Variants in SPMIP3 observed in about 807,000 individuals in gnomAD.
The protein encoded by SPMIP3 is protein SPMIP3.
chr1:244,357,204 G>A, the SPMIP3 span, among the ~76,000 whole-genome samples: 5 of 113,264 alleles, frequency 4.4e-5, no homozygotes, highest in African/African-American at 9.2e-5. Flanking sequence ...TGACAGGCAC[G>A]AGCCACTGCA....
the SPMIP3 span, chr1:244,375,484 A>T: frequency 8.8e-5 from 140 of 1,594,888 alleles, no homozygotes; most frequent in Non-Finnish European, 5.6e-5. Flanking sequence ...CACCTCCTCA[A>T]TCCCAATGTC....
chr1:244,375,938 A>G, the SPMIP3 span, among the ~76,000 whole-genome samples: 1 of 152,184 alleles, frequency 6.6e-6, no homozygotes, highest in Admixed American at 6.6e-5. Context: ...AAGTGCTGGG[A>G]TTACAGGCAT....
chr1:244,360,934 C>G, the SPMIP3 span, among the ~76,000 whole-genome samples: 1 of 147,742 alleles, frequency 6.8e-6, no homozygotes, highest in Non-Finnish European at 1.5e-5. Context: ...ATGAAGGGAA[C>G]TGGAGGACAT....
the SPMIP3 span, among the ~76,000 whole-genome samples, chr1:244,355,006 C>T: frequency 1.7e-3 from 265 of 152,280 alleles, no homozygotes; most frequent in African/African-American, 6.1e-3. Flanking sequence ...GGCGAAATCA[C>T]GTGTCTTTTG....
At chr1:244,371,493 T>G in the SPMIP3 span, among the ~76,000 whole-genome samples, 1 of 152,212 alleles carries the variant, frequency 6.6e-6, no homozygotes, top group Non-Finnish European at 1.5e-5. Flanking sequence ...CTTCCCATTT[T>G]CTTTTCACTC....
the SPMIP3 span, chr1:244,388,913 A>G: frequency 1.3e-6 from 2 of 1,494,246 alleles, no homozygotes; most frequent in Non-Finnish European, 1.9e-6. Flanking sequence ...AGGAGTGAGT[A>G]GTCTTTAAAT....
the SPMIP3 span, among the ~76,000 whole-genome samples, chr1:244,367,775 C>T: frequency 2.6e-5 from 4 of 152,094 alleles, no homozygotes; most frequent in Admixed American, 2.0e-4. Context: ...TTCCATTTTC[C>T]CCAGATAAGA....
chr1:244,378,765 T>TGC, the SPMIP3 span: 2 of 900,324 alleles, frequency 2.2e-6, no homozygotes, highest in African/African-American at 3.8e-5. Context: ...GGCATGGATA[T>TGC]GTGTGTGTGT....
chr1:244,364,814 G>C, the SPMIP3 span: 1 of 1,568,532 alleles, frequency 6.4e-7, no homozygotes, highest in Middle Eastern at 1.7e-4. Context: ...CAGGTGCCTG[G>C]GGAGTTAGAA....
At chr1:244,356,230 T>A in the SPMIP3 span, among the ~76,000 whole-genome samples, 1 of 151,946 alleles carries the variant, frequency 6.6e-6, no homozygotes, top group Non-Finnish European at 1.5e-5. Flanking sequence ...GAGCACTCAG[T>A]CTTTAACCAT....
the SPMIP3 span, among the ~76,000 whole-genome samples, chr1:244,372,129 C>G: frequency 1.1e-4 from 16 of 152,204 alleles, no homozygotes; most frequent in Non-Finnish European, 2.4e-4. Flanking sequence ...CTATAATTCC[C>G]TTTGCTTGGA....
At chr1:244,360,697 C>G in the SPMIP3 span, among the ~76,000 whole-genome samples, 2 of 152,004 alleles carry the variant, frequency 1.3e-5, no homozygotes, top group Non-Finnish European at 2.9e-5. Flanking sequence ...CCAGCCTGGT[C>G]AACATGGTGA....
At chr1:244,378,580 AG>A in the SPMIP3 span, 3 of 1,614,216 alleles carry the variant, frequency 1.9e-6, no homozygotes, top group Non-Finnish European at 2.5e-6. Flanking sequence ...AAGCCTGCCG[AG>A]CCATGGTATA....
At chr1:244,389,097 G>A in the SPMIP3 span, 1 of 1,560,720 alleles carries the variant, frequency 6.4e-7, no homozygotes, top group Non-Finnish European at 8.8e-7. Flanking sequence ...AATAACGTTT[G>A]GCATTCTTAG....
chr1:244,375,195 G>C, the SPMIP3 span: 1 of 492,344 alleles, frequency 2.0e-6, no homozygotes. Context: ...GGTAGAAAAG[G>C]GCTGGTTATG....
the SPMIP3 span, among the ~76,000 whole-genome samples, chr1:244,370,961 G>C: frequency 6.6e-6 from 1 of 152,292 alleles, no homozygotes; most frequent in South Asian, 2.1e-4. Flanking sequence ...CTGTAAAAAT[G>C]CTCTGTAGAG....
chr1:244,357,482 G>A, the SPMIP3 span, among the ~76,000 whole-genome samples: 1 of 152,122 alleles, frequency 6.6e-6, no homozygotes, highest in East Asian at 1.9e-4. Flanking sequence ...GGGCCAAGGT[G>A]GGTGGATCAC....
At chr1:244,367,376 A>G in the SPMIP3 span, among the ~76,000 whole-genome samples, 1 of 152,148 alleles carries the variant, frequency 6.6e-6, no homozygotes. Flanking sequence ...TGCAGAGAGC[A>G]GGGGGAGGCA....
chr1:244,375,628 TG>T, the SPMIP3 span: 24,925 of 503,102 alleles, frequency 0.05, 1,133 homozygotes, highest in East Asian at 0.24. Context: ...AAACTGTTAA[TG>T]TTTTTTTTTT....
Sources: allele counts gnomAD v4.1 joint callset (sites outside exome capture counted in the v4.1 genomes callset), GRCh38; gene constraint gnomAD v4.1.1; transcripts MANE v1.5; gene names NCBI Gene and HGNC (gene_info 2026-07-23, HGNC 2026-07-21).